The following PCDHGB5 variants were observed in gnomAD, a reference collection of about 807,000 sequenced individuals.
The protein encoded by PCDHGB5 is protocadherin gamma subfamily B, 5, also known as protocadherin gamma-B5.
PCDHGB5 carries 48 observed loss-of-function variants against 62.9 expected under a neutral mutation model. The observed-to-expected ratio is 0.76, with a 90% CI of 0.61 to 0.97. PCDHGB5 has a LOEUF of 0.97. Among genes scored for constraint, PCDHGB5 ranks in the 50% least tolerant of loss-of-function variants. The pLI, the probability that PCDHGB5 is intolerant of heterozygous loss-of-function variation, is 0.00. For missense variants in PCDHGB5, 1,118 were observed against 1,198.6 expected (o/e 0.93, Z 0.99); for synonymous variants, 474 against 511.2 (o/e 0.93, Z 0.98).
intron 1 of PCDHGB5, chr5:141,422,396 A>G (rs767394630): frequency 6.3e-6 from 10 of 1,597,278 alleles, no homozygotes; most frequent in Non-Finnish European, 8.5e-6. Flanking sequence ...ATTCCTAACC[A>G]CCTGCCTTTT....
chr5:141,433,358 C>CCCATCTAT (rs1554125967), intron 1 of PCDHGB5: 6 of 503,934 alleles, frequency 1.2e-5, no homozygotes, highest in Admixed American at 3.6e-5. Context: ...CTACTGTCTG[C>CCCATCTAT]CTATCTATCT....
intron 1 of PCDHGB5, chr5:141,420,119 T>C: frequency 6.2e-7 from 1 of 1,614,044 alleles, no homozygotes; most frequent in Non-Finnish European, 8.5e-7. Context: ...TGCCTATAAT[T>C]TTTGTGTGCC....
chr5:141,405,330 T>A, intron 1 of PCDHGB5: 1 of 1,614,206 alleles, frequency 6.2e-7, no homozygotes. Flanking sequence ...CCTTTGTGCG[T>A]CTCTGTTGAT....
intron 1 of PCDHGB5, among the ~76,000 whole-genome samples, chr5:141,437,842 A>G (rs1372385076): frequency 2.0e-5 from 3 of 150,650 alleles, no homozygotes; most frequent in East Asian, 3.9e-4. Context: ...GGTTCATGCT[A>G]TTCTCCTGCC....
chr5:141,406,528 TGAC>T (rs1369720853), intron 1 of PCDHGB5, among the ~76,000 whole-genome samples: 4 of 152,246 alleles, frequency 2.6e-5, no homozygotes, highest in Non-Finnish European at 5.9e-5. Context: ...AGATATTTTC[TGAC>T]GAAGATTCAA....
In PCDHGB5 at chr5:141,505,090, A is replaced by C. The variant is rs1018571873; in HGVS notation, c.2457-303A>C. Among the ~76,000 whole-genome samples the C allele has an allele frequency of 3.9e-5, 6 of 152,188 alleles. 1 individual carries two copies. The South Asian group carries it at 1.2e-3, about 31-fold the overall frequency. ...GGCAGGAGAATCGCTTGAACCCAGG[A>C]GGTGGATGTTGCAATGAGCCAAGAT... On this transcript the variant is annotated intron_variant, in intron 2 of 3. Transcript: ENST00000617380.
chr5:141,505,513 G>A lies in PCDHGB5; in HGVS notation c.2545+32G>A, dbSNP rs1157816684. ...GGTGTCAGTGTGTGTATGGAAGAGT[G>A]GGAGACCTGGGGTTCTGGGGTGCAT... On this transcript the variant is annotated intron_variant, in intron 3 of 3. Coordinates refer to ENST00000617380, the MANE Select transcript of PCDHGB5 (RefSeq NM_018925.3). The A allele has an allele frequency of 3.1e-6, 5 of 1,613,710 alleles. No homozygotes were observed. In the South Asian group the frequency reaches 3.3e-5, roughly 11 times the overall value.
chr5:141,414,642 C>A (rs547014431), intron 1 of PCDHGB5: 1 of 1,613,962 alleles, frequency 6.2e-7, no homozygotes, highest in Admixed American at 1.7e-5. Context: ...AAGAGAATGC[C>A]CAGATTATTT....
rs371139792 is a variant in PCDHGB5 at position 141,490,160 on chromosome 5, C to A, written c.2398-4647C>A. On this transcript the variant is annotated intron_variant, in intron 1 of 3. Transcript: ENST00000617380. This position sits in a 1 kb window ranked among gnomAD's most constrained non-coding sequence, Gnocchi z 5.4. The stretch of plus-strand genomic sequence containing the variant: ...AGTGGGGCAATCCATGTGTTGGGTC[C>A]CATAGACTTTGAGGAGTCACGTTTC... The A allele has an allele frequency of 5.6e-6, 9 of 1,614,192 alleles. No homozygotes were observed. The highest frequency in any genetic ancestry group is 7.6e-6 in the Non-Finnish European group (9 of 1,180,016).
At chr5:141,449,467 C>G (rs1356192128) in intron 1 of PCDHGB5, among the ~76,000 whole-genome samples, 1 of 150,842 alleles carries the variant, frequency 6.6e-6, no homozygotes, top group South Asian at 2.1e-4. Flanking sequence ...ATTAGCCAGG[C>G]CTGGTACCCC....
At position 141,485,275 on chromosome 5, in the gene PCDHGB5, G is replaced by A. The variant is rs77402299; in HGVS notation, c.2398-9532G>A. The A allele has an allele frequency of 8.7e-6, 14 of 1,613,954 alleles. No homozygotes were observed. In the African/African-American group the frequency reaches 1.1e-4, roughly 12 times the overall value. ...ACGTTTGTGGGCAGATCCGCTACCC[G>A]GTCCCAGAGGAGTCACAGGAAGGGA... On this transcript the variant is annotated intron_variant, in intron 1 of 3. Transcript: ENST00000617380. The surrounding 1 kb of genome is among the most constrained non-coding windows in gnomAD (Gnocchi z 5.7).
At position 141,398,199 on chromosome 5, in the gene PCDHGB5, G is replaced by A; in HGVS notation, c.72G>A (p.Leu24=). 6.7e-7 allele frequency: 1 copy of A among 1,491,242 alleles called. No individual in the cohort carries two copies. The highest frequency in any genetic ancestry group is 1.3e-5 in the South Asian group (1 of 76,676). 92.4% of individuals were successfully genotyped at this position (1,491,242 alleles called of 1,614,324 possible). ...LPVLFLFLLS[L]FCPALCEQIR... is the part of the protein sequence containing the mutation. ...TGCTCTTTCTCTTCCTGCTGTCTTT[G>A]TTCTGCCCGGCGCTCTGTGAGCAGA... is the stretch of plus-strand genomic sequence containing the variant. The change falls in exon 1 of 4, where the codon TTG becomes TTA. Residue 24 remains leucine (L), a synonymous_variant. Transcript: ENST00000617380.
intron 1 of PCDHGB5, chr5:141,414,156 T>TCTC (rs1462369810): frequency 6.2e-7 from 1 of 1,601,848 alleles, no homozygotes; most frequent in Admixed American, 1.7e-5. Flanking sequence ...AAGCAGAAGA[T>TCTC]GGAGGAGCAT....
rs61612330 is a variant in PCDHGB5 at position 141,454,796 on chromosome 5, A to ATTTTTTTTTTTTTTTT, written c.2398-39997_2398-39982dup. Among the ~76,000 whole-genome samples the ATTTTTTTTTTTTTTTT allele has an allele frequency of 1.2e-3, 96 of 77,456 alleles. 8 individuals are homozygous for ATTTTTTTTTTTTTTTT. The highest frequency in any genetic ancestry group is 2.0e-3 in the South Asian group (4 of 1,960). 50.8% of individuals were successfully genotyped at this position (77,456 alleles called of 152,430 possible). A position where few individuals can be genotyped will look rare whatever the true frequency, so the allele number is the denominator to read the frequency against. ...AAGGAAATAATCCTCCATGGTTCTA[A>ATTTTTTTTTTTTTTTT]TTTTTTTTTTTTTTTTTTTTTTTTT... On this transcript the variant is annotated intron_variant, in intron 1 of 3. Coordinates refer to ENST00000617380, the MANE Select transcript of PCDHGB5 (RefSeq NM_018925.3).
chr5:141,439,363 A>G (rs922889903), intron 1 of PCDHGB5, among the ~76,000 whole-genome samples: 2 of 152,208 alleles, frequency 1.3e-5, no homozygotes, highest in African/African-American at 2.4e-5. Context: ...TCAAACATCA[A>G]GAAGAAATAA....
At chr5:141,419,029 T>C in intron 1 of PCDHGB5, 1 of 1,613,886 alleles carries the variant, frequency 6.2e-7, no homozygotes, top group Non-Finnish European at 8.5e-7. Flanking sequence ...GTAGAGGTGT[T>C]CCATTTAAGA....
chr5:141,415,649 A>C, intron 1 of PCDHGB5: 1 of 1,597,710 alleles, frequency 6.3e-7, no homozygotes, highest in Non-Finnish European at 8.5e-7. Context: ...GTTAAAAAAA[A>C]AAAGATTGGT....
intron 1 of PCDHGB5, among the ~76,000 whole-genome samples, chr5:141,456,250 C>T (rs1244300374): frequency 4.6e-5 from 7 of 152,014 alleles, no homozygotes; most frequent in African/African-American, 1.7e-4. Context: ...AGGCTTTGGG[C>T]GACCATTGCT....
intron 1 of PCDHGB5, among the ~76,000 whole-genome samples, chr5:141,402,740 C>A (rs2094301178): frequency 6.6e-6 from 1 of 152,146 alleles, no homozygotes; most frequent in Non-Finnish European, 1.5e-5. Context: ...CGCTGTTGAT[C>A]AACTCTAAGC....
Sources: gnomAD v4.1 joint callset for allele counts (sites outside exome capture counted in the v4.1 genomes callset) on GRCh38, gnomAD v4.1.1 for gene constraint, Gnocchi (gnomAD v3.1) non-coding constraint, MANE v1.5 for transcripts, NCBI Gene and HGNC (gene_info 2026-07-23, HGNC 2026-07-21) for gene names.